Variants in SOS2 observed in about 807,000 individuals in gnomAD.
SOS2 encodes son of sevenless homolog 2.
In SOS2, 65 loss-of-function variants were observed where a neutral mutation model predicts 148.2. The ratio of observed to expected loss-of-function variants is 0.44; its 90% CI spans 0.36 to 0.54. SOS2 has a LOEUF of 0.54. SOS2 is among the 20% of genes least tolerant of loss of function. The pLI, the probability that SOS2 is intolerant of heterozygous loss-of-function variation, is 0.00. For missense variants in SOS2, 1,341 were observed against 1,590.2 expected (o/e 0.84, Z 2.67); for synonymous variants, 539 against 537.1 (o/e 1.00, Z -0.05).
chr14:50,201,298 T>C (rs1886479000), intron 2 of SOS2, among the ~76,000 whole-genome samples: 1 of 151,988 alleles, frequency 6.6e-6, no homozygotes, highest in Non-Finnish European at 1.5e-5. Flanking sequence ...TTTGGGAGGC[T>C]GAGGCAGGTG....
intron 21 of SOS2, among the ~76,000 whole-genome samples, chr14:50,128,547 A>T (rs1234882811): frequency 6.6e-6 from 1 of 152,220 alleles, no homozygotes; most frequent in African/African-American, 2.4e-5. Flanking sequence ...GGTTAAGTAT[A>T]GGCAGGGTAG....
intron 4 of SOS2, among the ~76,000 whole-genome samples, chr14:50,189,330 G>GAAAAAAAA (rs1566472509): frequency 2.8e-4 from 1 of 3,590 alleles, no homozygotes; most frequent in African/African-American, 7.6e-4. Flanking sequence ...ACACATAATA[G>GAAAAAAAA]CAAAAAAAAA....
chr14:50,137,412 C>T (rs1884116801), intron 18 of SOS2, among the ~76,000 whole-genome samples: 1 of 152,050 alleles, frequency 6.6e-6, no homozygotes, highest in South Asian at 2.1e-4. Flanking sequence ...AATGAATTTT[C>T]TTTTTACTGC....
At chr14:50,220,664 A>G (rs1887177652) in intron 1 of SOS2, among the ~76,000 whole-genome samples, 1 of 152,158 alleles carries the variant, frequency 6.6e-6, no homozygotes, top group Admixed American at 6.5e-5. Context: ...AATAATTCTC[A>G]GAGTCCATGC....
chr14:50,156,949 G>GTATA, intron 12 of SOS2, 50 bp downstream of exon 12: 1 of 937,654 alleles, frequency 1.1e-6, no homozygotes, highest in Admixed American at 2.1e-5. Flanking sequence ...GTGTGTGTGT[G>GTATA]TGTATATATA....
chr14:50,178,670 G>GTGTGTATA (rs1566839555), intron 7 of SOS2, among the ~76,000 whole-genome samples: 3 of 67,964 alleles, frequency 4.4e-5, no homozygotes, highest in South Asian at 4.7e-4. Context: ...GTGTGTGTGT[G>GTGTGTATA]CATATATATA....
chr14:50,198,392 A>G (rs1487132964), intron 4 of SOS2, among the ~76,000 whole-genome samples: 1 of 152,168 alleles, frequency 6.6e-6, no homozygotes, highest in African/African-American at 2.4e-5. Context: ...GTAAGTCAAA[A>G]TAGAGATAAC....
rs1566478915 is a variant in SOS2, at chr14:50,204,286, C to G, written c.211G>C (p.Glu71Gln). ...MAQPRTVQDVEERVQKTFPHP... is the reference protein window; with the variant it reads ...MAQPRTVQDVQERVQKTFPHP... ...TGAAATGACAAAATAATTTTTACCTCTACATCTTGAACAGTCCTTGGCTGG... is the reference window on the plus strand; with the variant it reads ...TGAAATGACAAAATAATTTTTACCTGTACATCTTGAACAGTCCTTGGCTGG... The change falls in exon 2 of 23, where the codon GAG (glutamate) becomes CAG (glutamine). Residue 71 changes from glutamate to glutamine, a missense_variant and splice_region_variant. Around this residue, in one of 4 missense-constraint regions of SOS2, gnomAD observed 574 missense variants for 711.1 expected, o/e 0.81. Coordinates refer to ENST00000216373, the MANE Select transcript of SOS2 (RefSeq NM_006939.4). The G allele has an allele frequency of 6.4e-7, 1 of 1,567,746 alleles. No homozygotes were observed. The highest frequency in any genetic ancestry group is 8.6e-7 in the Non-Finnish European group (1 of 1,161,332).
chr14:50,179,915 T>C (rs1459441274), intron 7 of SOS2, among the ~76,000 whole-genome samples: 2 of 152,126 alleles, frequency 1.3e-5, no homozygotes, highest in Non-Finnish European at 2.9e-5. Context: ...GTTGAGGTTA[T>C]CTCAACTTTT....
At chr14:50,189,948 A>G (rs1351224161) in intron 4 of SOS2, among the ~76,000 whole-genome samples, 3 of 151,550 alleles carry the variant, frequency 2.0e-5, no homozygotes, top group African/African-American at 7.3e-5. Context: ...TCCCAAGTTC[A>G]AGTGATTCTC....
At position 50,145,290 on chromosome 14, in the gene SOS2, T is replaced by C. The variant is rs1437845107; in HGVS notation, c.2547A>G (p.Val849=). The change falls in exon 16 of 23, where the codon GTA becomes GTG. Residue 849 remains valine (V), a synonymous_variant. Transcript: ENST00000216373. ...GCAGAATTTCTATAATTCTACTTAG[T>C]ACTGCCACCCGTTCTTCAAAATTTT... is the stretch of plus-strand genomic sequence containing the variant. ...EAENFEERVA[V]LSRIIEILQV... is the part of the protein sequence containing the mutation. The C allele has an allele frequency of 1.2e-6, 2 of 1,609,168 alleles. No homozygotes were observed. Among genetic ancestry groups the C allele is most frequent in the Admixed American group, 3.4e-5 (2 of 58,622 alleles).
At chr14:50,178,354 G>A (rs1030008768) in intron 7 of SOS2, among the ~76,000 whole-genome samples, 2 of 152,088 alleles carry the variant, frequency 1.3e-5, no homozygotes, top group Non-Finnish European at 2.9e-5. Flanking sequence ...TTTGGCTTCC[G>A]CCATGATCGT....
At position 50,224,897 on chromosome 14, in the gene SOS2, A is replaced by AAAAAAAAAG. The variant is rs1477987016; in HGVS notation, c.87+6299_87+6300insCTTTTTTTT. ...CAAAACCCTGTCAAAAAAAAAAAAA[A>AAAAAAAAAG]AGAGAGAGAGAGAGAAATAGTGTTT... On this transcript the variant is annotated intron_variant, in intron 1 of 22. Transcript: ENST00000216373. 9.3e-5 allele frequency among the ~76,000 whole-genome samples: 14 copies of AAAAAAAAAG among 150,886 alleles called. No homozygotes were observed. The South Asian group carries it at 1.7e-3, about 18-fold the overall frequency.
In SOS2 at chr14:50,147,840, G is replaced by A. The variant is rs144272679; in HGVS notation, c.2384+2168C>T. Among the ~76,000 whole-genome samples the A allele has an allele frequency of 3.4e-4, 51 of 152,184 alleles. No individual in the cohort carries two copies. In the East Asian group the frequency reaches 9.7e-3, roughly 29 times the overall value. On this transcript the variant is annotated intron_variant, in intron 14 of 22. Coordinates refer to ENST00000216373, the MANE Select transcript of SOS2 (RefSeq NM_006939.4). ...AGTCAGAATACACAATTTAAAAATT[G>A]GCCAAGTACAGTGGCTCACACCTGT...
chr14:50,165,066 G>C (rs1054186563), intron 8 of SOS2, among the ~76,000 whole-genome samples: 1 of 152,120 alleles, frequency 6.6e-6, no homozygotes, highest in Non-Finnish European at 1.5e-5. Context: ...ATAAGGAAAA[G>C]TCAAATGTAT....
Position 50,153,083 on chromosome 14 carries a change from A to C in SOS2, c.2148T>G (p.Ile716Met). 1 of 1,559,086 alleles carries C rather than the reference A, an allele frequency of 6.4e-7. No individual in the cohort carries two copies. The highest frequency in any genetic ancestry group is 8.8e-7 in the Non-Finnish European group (1 of 1,133,288). The change falls in exon 13 of 23, where the codon ATT becomes ATG. Residue 716 changes from isoleucine to methionine, a missense_variant. This residue lies in a region of SOS2 where 408 missense variants were observed against 506.6 expected (regional missense o/e 0.81). Transcript: ENST00000216373. ...TATATAATATACCTCTTACACTTGA[A>C]ATGAAGGATTCTAGTCTTTCAAGCA... ...LELLERLESF[I>M]SSVRGKAMKK...
At chr14:50,172,604 G>A (rs1158400698) in intron 8 of SOS2, among the ~76,000 whole-genome samples, 2 of 151,720 alleles carry the variant, frequency 1.3e-5, no homozygotes, top group East Asian at 3.9e-4. Flanking sequence ...CTAGCCTCAA[G>A]TCATTCCCTC....
In SOS2 at chr14:50,150,063, G is replaced by C. The variant is rs151074097; in HGVS notation, c.2329C>G (p.Leu777Val). The C allele has an allele frequency of 1.2e-6, 2 of 1,614,006 alleles. No homozygotes were observed. The highest frequency in any genetic ancestry group is 1.1e-5 in the South Asian group (1 of 91,080). Residue 777 changes from leucine to valine, a missense_variant, in exon 14 of 23, where the codon CTT becomes GTT. Physicochemically the swap from Leu to Val is conservative, Grantham distance 32. Coordinates refer to ENST00000216373, the MANE Select transcript of SOS2 (RefSeq NM_006939.4). ...TGACGTGCAATTTCTATTGGATGAA[G>C]TGTCATGAGATCAAATGTTTCAAAC... ...GQFETFDLMT[L>V]HPIEIARQLT...
chr14:50,219,691 T>C (rs1049486996), intron 1 of SOS2, among the ~76,000 whole-genome samples: 2 of 152,230 alleles, frequency 1.3e-5, no homozygotes, highest in African/African-American at 4.8e-5. Context: ...AAATATATAC[T>C]TTATATCAAT....
Sources: allele counts gnomAD v4.1 joint callset (sites outside exome capture counted in the v4.1 genomes callset), GRCh38; gene constraint gnomAD v4.1.1; regional missense constraint gnomAD v4.1.1; transcripts MANE v1.5; gene names NCBI Gene and HGNC (gene_info 2026-07-23, HGNC 2026-07-21).